Variants in DLGAP2 observed in about 807,000 individuals in gnomAD.
DLGAP2 encodes the protein DLG associated protein 2, also known as disks large-associated protein 2.
DLGAP2 carries 26 observed loss-of-function variants against 100.3 expected under a neutral mutation model. The ratio of observed to expected loss-of-function variants is 0.26; its 90% confidence interval spans 0.19 to 0.36. DLGAP2 has a LOEUF of 0.36. DLGAP2 is among the 10% of genes least tolerant of loss of function. The probability of loss-of-function intolerance (pLI) is 1.00; values close to 1 mark genes in which losing one functional copy is unlikely to be tolerated. For missense variants in DLGAP2, 1,858 were observed against 1,453.2 expected (o/e 1.28, Z -4.53); for synonymous variants, 886 against 630.1 (o/e 1.41, Z -6.08).
intron 3 of DLGAP2, among the ~76,000 whole-genome samples, chr8:1,481,465 CTTTTTCTTTTT>C (rs1799090764): frequency 1.2e-5 from 1 of 81,722 alleles, no homozygotes; most frequent in African/African-American, 4.4e-5. Context: ...TTTTCTTTTT[CTTTTTCTTTTT>C]TTTTTTTTTT....
rs549967172 is a variant in DLGAP2 at position 1,007,256 on chromosome 8, C to T, written c.73+99290C>T. Among the ~76,000 whole-genome samples the T allele has an allele frequency of 2.8e-4, 42 of 152,346 alleles. No individual in the cohort carries two copies. The South Asian group carries it at 8.5e-3, about 31-fold the overall frequency. On this transcript the variant is annotated intron_variant, in intron 2 of 14. Transcript: ENST00000637795. ...CAGTCCCACACTCTTCACGTGTCTGCACGGGTTGTCTCTGTGACTGCTGTG... is the reference window on the plus strand; with the variant it reads ...CAGTCCCACACTCTTCACGTGTCTGTACGGGTTGTCTCTGTGACTGCTGTG...
intron 2 of DLGAP2, among the ~76,000 whole-genome samples, chr8:1,187,491 C>G (rs1172848090): frequency 7.4e-6 from 1 of 135,232 alleles, no homozygotes; most frequent in Non-Finnish European, 1.5e-5. Context: ...CGGAATCTCA[C>G]ACACCCGGGA....
intron 2 of DLGAP2, among the ~76,000 whole-genome samples, chr8:1,112,366 G>C (rs1021806253): frequency 1.3e-5 from 2 of 148,878 alleles, no homozygotes; most frequent in South Asian, 2.2e-4. Flanking sequence ...TCAGCCTCCC[G>C]ATTAGCTGGG....
intron 3 of DLGAP2, among the ~76,000 whole-genome samples, chr8:1,439,879 G>C (rs987112122): frequency 1.3e-5 from 2 of 152,160 alleles, no homozygotes; most frequent in African/African-American, 4.8e-5. Context: ...AGAGACATGA[G>C]ACTGTTGATG....
intron 2 of DLGAP2, among the ~76,000 whole-genome samples, chr8:1,173,064 G>A (rs1021352690): frequency 1.3e-5 from 2 of 152,078 alleles, no homozygotes; most frequent in African/African-American, 4.8e-5. Context: ...TTTTTGGTGT[G>A]GATGTCCTTT....
At chr8:1,033,514 A>G (rs1045483112) in intron 2 of DLGAP2, among the ~76,000 whole-genome samples, 11 of 152,180 alleles carry the variant, frequency 7.2e-5, no homozygotes, top group African/African-American at 2.7e-4. Flanking sequence ...AAAAATATAC[A>G]GAAACTAGCT....
At chr8:904,198 CAGGTTTTAACTG>C (rs1798326910) in intron 1 of DLGAP2, among the ~76,000 whole-genome samples, 1 of 152,200 alleles carries the variant, frequency 6.6e-6, no homozygotes, top group African/African-American at 2.4e-5. Flanking sequence ...ACCCAGATTT[CAGGTTTTAACTG>C]ATTTTCATTA....
intron 2 of DLGAP2, among the ~76,000 whole-genome samples, chr8:1,125,064 C>G (rs1406935995): frequency 6.6e-6 from 1 of 152,240 alleles, no homozygotes; most frequent in Non-Finnish European, 1.5e-5. Context: ...TTCTTTGAAT[C>G]CTGTCATGTC....
At chr8:833,025 C>A (rs1251063466) in intron 1 of DLGAP2, among the ~76,000 whole-genome samples, 1 of 152,208 alleles carries the variant, frequency 6.6e-6, no homozygotes, top group Non-Finnish European at 1.5e-5. Flanking sequence ...GGTGCAAACC[C>A]AGTAAACATC....
At chr8:1,434,073 G>A (rs190937500) in intron 3 of DLGAP2, among the ~76,000 whole-genome samples, 2 of 152,286 alleles carry the variant, frequency 1.3e-5, no homozygotes, top group African/African-American at 2.4e-5. Flanking sequence ...CGCTGAATGA[G>A]GCTCTGTGCT....
intron 6 of DLGAP2, among the ~76,000 whole-genome samples, chr8:1,614,381 G>C (rs540864418): frequency 6.6e-6 from 1 of 152,372 alleles, no homozygotes; most frequent in African/African-American, 2.4e-5. Context: ...AGACCTCACA[G>C]TCAGTGCTGC....
intron 8 of DLGAP2, among the ~76,000 whole-genome samples, chr8:1,637,067 G>C (rs933717424): frequency 1.3e-5 from 2 of 152,212 alleles, no homozygotes; most frequent in Non-Finnish European, 2.9e-5. Flanking sequence ...CCGCCGGCTG[G>C]CTCCGCAGGC....
At chr8:1,107,785 G>T (rs529964476) in intron 2 of DLGAP2, among the ~76,000 whole-genome samples, 2 of 152,106 alleles carry the variant, frequency 1.3e-5, no homozygotes, top group Non-Finnish European at 2.9e-5. Flanking sequence ...TGTGAGTTAC[G>T]GCCCATCCTA....
intron 2 of DLGAP2, among the ~76,000 whole-genome samples, chr8:1,052,014 C>G (rs769768630): frequency 1.3e-5 from 2 of 152,174 alleles, no homozygotes; most frequent in Non-Finnish European, 1.5e-5. Context: ...TGGGATGCCC[C>G]ACAAGGATGC....
At chr8:889,468 G>GT (rs1797990623) in intron 1 of DLGAP2, among the ~76,000 whole-genome samples, 1 of 152,184 alleles carries the variant, frequency 6.6e-6, no homozygotes, top group Non-Finnish European at 1.5e-5. Context: ...GAGTTCTGGG[G>GT]TCTGTCCCTG....
chr8:1,313,694 A>G (rs1800663976), intron 3 of DLGAP2, among the ~76,000 whole-genome samples: 2 of 152,200 alleles, frequency 1.3e-5, no homozygotes. Flanking sequence ...CCTGATGGTC[A>G]CTACAGGACA....
chr8:976,170 A>G (rs1403372696), intron 2 of DLGAP2, among the ~76,000 whole-genome samples: 3 of 152,138 alleles, frequency 2.0e-5, no homozygotes, highest in African/African-American at 7.2e-5. Flanking sequence ...AAGCTACAAA[A>G]CTCTTATAAA....
intron 2 of DLGAP2, among the ~76,000 whole-genome samples, chr8:1,064,130 A>G (rs1291363951): frequency 6.6e-6 from 1 of 152,186 alleles, no homozygotes; most frequent in Non-Finnish European, 1.5e-5. Context: ...GGACAATCCA[A>G]TGGCTGGTGG....
intron 2 of DLGAP2, among the ~76,000 whole-genome samples, chr8:1,076,985 GC>G (rs1224099352): frequency 1.5e-5 from 2 of 136,488 alleles, no homozygotes; most frequent in African/African-American, 2.8e-5. Flanking sequence ...TCTGTCCCGG[GC>G]CCCCCCAAGA....
Sources: gnomAD v4.1 joint callset for allele counts (sites outside exome capture counted in the v4.1 genomes callset) on GRCh38, gnomAD v4.1.1 for gene constraint, MANE v1.5 for transcripts, NCBI Gene and HGNC (gene_info 2026-07-23, HGNC 2026-07-21) for gene names.